PELP1: variants seen among roughly 807,000 people sequenced by gnomAD.
The protein encoded by PELP1 is proline-, glutamic acid- and leucine-rich protein 1.
Under a neutral mutation model 95.5 loss-of-function variants are expected in PELP1, and 32 were observed. That is an observed-to-expected ratio of 0.34 (90% CI 0.25 to 0.45). PELP1 has a LOEUF of 0.45. Ranked by LOEUF, PELP1 falls within the 20% of genes least tolerant of loss-of-function variation. The pLI, the probability that PELP1 is intolerant of heterozygous loss-of-function variation, is 1.00. For synonymous variants in PELP1, 668 were observed against 600.1 expected (o/e 1.11, Z -1.65); for missense variants, 1,358 against 1,444.8 (o/e 0.94, Z 0.97).
chr17:4,685,800 A>AAAAAAAGC (rs1294969832), intron 3 of PELP1, among the ~76,000 whole-genome samples: 1 of 19,906 alleles, frequency 5.0e-5, no homozygotes, highest in Non-Finnish European at 1.6e-4. Context: ...CTTAAAAAAA[A>AAAAAAAGC]AAGAACAAAA....
chr17:4,699,076 T>C (rs1913417809), intron 1 of PELP1, among the ~76,000 whole-genome samples: 2 of 152,188 alleles, frequency 1.3e-5, no homozygotes, highest in Non-Finnish European at 2.9e-5. Flanking sequence ...AACATAAATA[T>C]GCATTTAAAA....
rs35433764 is a variant in PELP1, at chr17:4,696,032, GAAA to G, written c.250-4593_250-4591del. ...TAAAAAAAAGAGTGTTCCAGGAAAA[GAAA>G]AAAAAAAAAAACAGGCTGGGCAAGG... On this transcript the variant is annotated intron_variant, in intron 1 of 16. Transcript: ENST00000572293. Among the ~76,000 whole-genome samples, 178 of 144,832 alleles carry G rather than the reference GAAA, an allele frequency of 1.2e-3. 1 individual carries two copies. Among genetic ancestry groups the G allele is most frequent in the Non-Finnish European group, 1.6e-3 (108 of 66,532 alleles).
intron 3 of PELP1, among the ~76,000 whole-genome samples, chr17:4,687,935 C>T (rs537320131): frequency 5.5e-4 from 84 of 152,346 alleles, no homozygotes; most frequent in African/African-American, 1.8e-3. Flanking sequence ...AAGTTGAAAG[C>T]ATTCCCCTTG....
rs760238191 is a variant in PELP1, at chr17:4,672,992, G to C, written c.1999C>G (p.Pro667Ala). Residue 667 changes from proline to alanine, a missense_variant, in exon 16 of 17, where the codon CCT (proline) becomes GCT (alanine). Pro to Ala is a conservative substitution (Grantham distance 27). This residue lies in a region of PELP1 where 340 missense variants were observed against 322.9 expected (regional missense o/e 1.05). Coordinates refer to ENST00000572293, the MANE Select transcript of PELP1 (RefSeq NM_014389.3). ...CCCACTGAGGGCATGGGGCCCGGAGGATGGAACGGTGGGGCCCTGAAGGGC... is the reference window on the plus strand; with the variant it reads ...CCCACTGAGGGCATGGGGCCCGGAGCATGGAACGGTGGGGCCCTGAAGGGC... ...PSPFRAPPFH[P>A]PGPMPSVGSM... The C allele has an allele frequency of 6.4e-7, 1 of 1,563,964 alleles. No homozygotes were observed. The highest frequency in any genetic ancestry group is 8.7e-7 in the Non-Finnish European group (1 of 1,155,556).
intron 13 of PELP1, among the ~76,000 whole-genome samples, 155 bp downstream of exon 13, chr17:4,674,355 T>C (rs1912361607): frequency 6.6e-6 from 1 of 152,216 alleles, no homozygotes; most frequent in East Asian, 1.9e-4. Flanking sequence ...TCACCTGCTG[T>C]TTGGGGGATC....
chr17:4,689,939 T>C (rs956531272), intron 3 of PELP1, among the ~76,000 whole-genome samples: 1 of 152,060 alleles, frequency 6.6e-6, no homozygotes, highest in African/African-American at 2.4e-5. Context: ...GGCAAGAGAA[T>C]TGCTTGAACC....
At chr17:4,696,605 C>T (rs9897243) in intron 1 of PELP1, 148,840 of 152,276 alleles carry the variant, frequency 0.98, 72,822 homozygotes, top group Middle Eastern at 1. Flanking sequence ...TTTTGTTTTG[C>T]TTTGTTTTTA....
In PELP1 at chr17:4,685,792, T is replaced by TAAAAAAAAAAAAA. The variant is rs750825796; in HGVS notation, c.421-2841_421-2840insTTTTTTTTTTTTT. ...CAGGTGACAAAATGAAACCATGTCTTAAAAAAAAAAGAACAAAAAAAGGGC... is the reference window on the plus strand; with the variant it reads ...CAGGTGACAAAATGAAACCATGTCTTAAAAAAAAAAAAAAAAAAAAAAAGAACAAAAAAAGGGC... On this transcript the variant is annotated intron_variant, in intron 3 of 16. Transcript: ENST00000572293. 3.1e-3 allele frequency among the ~76,000 whole-genome samples: 376 copies of TAAAAAAAAAAAAA among 119,530 alleles called. 1 individual carries two copies. Among genetic ancestry groups the TAAAAAAAAAAAAA allele is most frequent in the African/African-American group, 0.011 (352 of 32,324 alleles). 78.4% of individuals were successfully genotyped at this position (119,530 alleles called of 152,430 possible). A position where few individuals can be genotyped will look rare whatever the true frequency, so the allele number is the denominator to read the frequency against.
In PELP1 at chr17:4,672,044, G is replaced by A; in HGVS notation, c.2947C>T (p.Pro983Ser). The A allele has an allele frequency of 6.4e-7, 1 of 1,569,084 alleles. No homozygotes were observed. Among genetic ancestry groups the A allele is most frequent in the Non-Finnish European group, 8.6e-7 (1 of 1,157,860 alleles). Residue 983 changes from proline to serine, a missense_variant, in exon 16 of 17, where the codon CCT (proline) becomes TCT (serine). Transcript: ENST00000572293. ...EEGAPPPPTLPPALPPPESPP... is the reference protein window; with the variant it reads ...EEGAPPPPTLSPALPPPESPP... ...GACTCAGGGGGAGGCAGAGCTGGAG[G>A]CAGGGTTGGGGGTGGAGGTGCACCT...
Position 4,670,585 on chromosome 17 carries a change from G to A in PELP1, c.*854C>T, listed in dbSNP as rs1912157183. 6.6e-6 allele frequency: 1 copy of A among 152,330 alleles called. No individual in the cohort carries two copies. The highest frequency in any genetic ancestry group is 2.4e-5 in the African/African-American group (1 of 41,438). 9.4% of individuals were successfully genotyped at this position (152,330 alleles called of 1,614,324 possible). ...TAAAAATACAAAAATTAGCCAGGCA[G>A]TGGCAGGCGCCTGTAATCCCAGCTA... On this transcript the variant is annotated 3_prime_UTR_variant, in exon 17 of 17. Transcript: ENST00000572293.
chr17:4,701,974 C>G (rs1402408655), intron 1 of PELP1, among the ~76,000 whole-genome samples: 2 of 152,162 alleles, frequency 1.3e-5, no homozygotes, highest in Non-Finnish European at 2.9e-5. Flanking sequence ...ACTCAAAATT[C>G]TACTAGACTT....
chr17:4,670,870 C>T lies in PELP1; in HGVS notation c.*569G>A, dbSNP rs1205163314. 2 of 153,744 alleles carry T rather than the reference C, an allele frequency of 1.3e-5. No homozygotes were observed. The highest frequency in any genetic ancestry group is 4.8e-5 in the African/African-American group (2 of 41,450). The allele number at this position is 153,744 out of a possible 1,614,324, so 9.5% of individuals were successfully genotyped here. A position where few individuals can be genotyped will look rare whatever the true frequency, so the allele number is the denominator to read the frequency against. On this transcript the variant is annotated 3_prime_UTR_variant, in exon 17 of 17. Coordinates refer to ENST00000572293, the MANE Select transcript of PELP1 (RefSeq NM_014389.3). ...GACTAGCCCCAAAACAGAGGTCATTCCCAACGTACCCACTACGGACACCCT... is the reference window on the plus strand; with the variant it reads ...GACTAGCCCCAAAACAGAGGTCATTTCCAACGTACCCACTACGGACACCCT...
chr17:4,694,877 A>G (rs1290263624), intron 1 of PELP1, among the ~76,000 whole-genome samples: 1 of 151,832 alleles, frequency 6.6e-6, no homozygotes, highest in African/African-American at 2.4e-5. Context: ...AGGCTAAGGA[A>G]GGAGAATCGC....
In PELP1 at chr17:4,704,041, A is replaced by C. The variant is rs1460625692; in HGVS notation, c.71T>G (p.Leu24Arg). The change falls in exon 1 of 17, where the codon CTC becomes CGC. Residue 24 changes from leucine (L) to arginine (R), a missense_variant. Coordinates refer to ENST00000572293, the MANE Select transcript of PELP1 (RefSeq NM_014389.3). ...AAGVPGGTGG[L>R]SAVSSGPRLR... ...CCGCGGGCCCGAGCTCACTGCCGAG[A>C]GACCCCCGGTCCCGCCAGGAACCCC... The C allele has an allele frequency of 6.2e-7, 1 of 1,612,644 alleles. No individual in the cohort carries two copies. The highest frequency in any genetic ancestry group is 8.5e-7 in the Non-Finnish European group (1 of 1,179,696).
At chr17:4,703,822 T>C (rs947984637) in intron 1 of PELP1, 41 bp downstream of exon 1, 1 of 1,553,298 alleles carries the variant, frequency 6.4e-7, no homozygotes, top group African/African-American at 1.4e-5. Flanking sequence ...TGCCGCGCCA[T>C]CCTCCCCACA....
intron 1 of PELP1, among the ~76,000 whole-genome samples, chr17:4,694,904 C>T (rs926527491): frequency 6.6e-6 from 1 of 150,918 alleles, no homozygotes; most frequent in Admixed American, 6.6e-5. Flanking sequence ...CTGAGAGAAT[C>T]GCTTGAACCC....
intron 1 of PELP1, among the ~76,000 whole-genome samples, chr17:4,703,331 A>G (rs1233494305): frequency 6.6e-6 from 1 of 152,088 alleles, no homozygotes; most frequent in Admixed American, 6.5e-5. Context: ...TTAGGGTCTC[A>G]GCTTAAACGC....
chr17:4,698,867 G>A (rs998525058), intron 1 of PELP1, among the ~76,000 whole-genome samples: 2 of 152,074 alleles, frequency 1.3e-5, no homozygotes, highest in African/African-American at 4.8e-5. Context: ...TTATGTAAGA[G>A]AATGTCCTTG....
intron 5 of PELP1, among the ~76,000 whole-genome samples, chr17:4,678,877 G>A (rs929398313): frequency 1.3e-5 from 2 of 152,108 alleles, no homozygotes; most frequent in Non-Finnish European, 2.9e-5. Flanking sequence ...ACTTCAAAAC[G>A]GCAGTTATCA....
Sources: gnomAD v4.1 joint callset for allele counts (sites outside exome capture counted in the v4.1 genomes callset) on GRCh38, gnomAD v4.1.1 for gene constraint, gnomAD v4.1.1 regional missense constraint, MANE v1.5 for transcripts, NCBI Gene and HGNC (gene_info 2026-07-23, HGNC 2026-07-21) for gene names.